RSPO2: variants seen among roughly 807,000 people sequenced by gnomAD.
RSPO2 encodes R-spondin-2.
Under a neutral mutation model 30.9 loss-of-function variants are expected in RSPO2, and 14 were observed. The ratio of observed to expected loss-of-function variants is 0.45; its 90% CI spans 0.30 to 0.71. The LOEUF (loss-of-function observed/expected upper bound fraction) is 0.71, where lower values mean the gene tolerates loss of function less well. RSPO2 is among the 30% of genes least tolerant of loss of function. RSPO2 has a pLI of 0.08. For synonymous variants in RSPO2, 107 were observed against 96.4 expected, an observed-to-expected ratio of 1.11 and a Z score of -0.64; for missense variants, 264 against 301.9, an observed-to-expected ratio of 0.87 and a Z score of 0.93.
chr8:108,032,762 C>G (rs1811462475), intron 2 of RSPO2, among the ~76,000 whole-genome samples: 1 of 152,012 alleles, frequency 6.6e-6, no homozygotes, highest in Non-Finnish European at 1.5e-5. Context: ...TCCTGAGTAG[C>G]TACGTCTACA....
chr8:107,991,249 AACACAC>A lies in RSPO2; in HGVS notation c.95-2011_95-2006del, dbSNP rs60247229. Among the ~76,000 whole-genome samples, 505 of 133,452 alleles carry A rather than the reference AACACAC, an allele frequency of 3.8e-3. 1 individual carries two copies. Among genetic ancestry groups the A allele is most frequent in the South Asian group, 8.9e-3 (35 of 3,926 alleles). 87.5% of individuals were successfully genotyped at this position (133,452 alleles called of 152,430 possible). ...GCAACAGGAGTGAAACTCCATCTCA[AACACAC>A]ACACACACACACACACACACACACA... On this transcript the variant is annotated intron_variant, in intron 2 of 5. Transcript: ENST00000276659.
At chr8:107,988,438 T>A (rs558686499) in intron 3 of RSPO2, among the ~76,000 whole-genome samples, 2 of 152,012 alleles carry the variant, frequency 1.3e-5, no homozygotes, top group South Asian at 2.1e-4. Flanking sequence ...TTTTTTTTTT[T>A]TATAAGCACT....
chr8:108,058,517 C>G (rs1265215028), intron 2 of RSPO2, among the ~76,000 whole-genome samples: 5 of 152,054 alleles, frequency 3.3e-5, no homozygotes, highest in Admixed American at 2.0e-4. Context: ...CATATGGAAC[C>G]AAAAAAGAGC....
intron 5 of RSPO2, among the ~76,000 whole-genome samples, chr8:107,919,399 C>T (rs188611033): frequency 2.6e-5 from 4 of 152,204 alleles, no homozygotes; most frequent in South Asian, 2.1e-4. Context: ...AAAACAAAGA[C>T]GATAATAGCC....
At chr8:108,060,770 AG>A (rs201052818) in intron 2 of RSPO2, among the ~76,000 whole-genome samples, 7,898 of 151,808 alleles carry the variant, frequency 0.052, 806 homozygotes, top group African/African-American at 0.17. Context: ...AAAAATGTTA[AG>A]GGCAGCCAGA....
intron 5 of RSPO2, among the ~76,000 whole-genome samples, chr8:107,955,868 G>C (rs897454966): frequency 6.6e-6 from 1 of 152,146 alleles, no homozygotes; most frequent in African/African-American, 2.4e-5. Flanking sequence ...CCATACATAT[G>C]TTGCAAAGAT....
chr8:108,014,488 T>TA (rs1810812152), intron 2 of RSPO2, among the ~76,000 whole-genome samples: 2 of 152,250 alleles, frequency 1.3e-5, no homozygotes, highest in South Asian at 4.2e-4. Flanking sequence ...ATGTGGCACA[T>TA]ACACACCATG....
At chr8:108,064,009 C>A (rs200926613) in intron 2 of RSPO2, among the ~76,000 whole-genome samples, 4 of 151,994 alleles carry the variant, frequency 2.6e-5, no homozygotes, top group South Asian at 2.1e-4. Context: ...CCTTCCTTAC[C>A]CCTTATACAA....
intron 5 of RSPO2, among the ~76,000 whole-genome samples, chr8:107,909,659 C>T (rs1390647824): frequency 1.3e-5 from 2 of 152,062 alleles, no homozygotes; most frequent in Non-Finnish European, 2.9e-5. Flanking sequence ...TGACTGAGTT[C>T]CACAAAAAAA....
At chr8:108,066,039 C>CA (rs1322393220) in intron 2 of RSPO2, among the ~76,000 whole-genome samples, 13 of 150,008 alleles carry the variant, frequency 8.7e-5, no homozygotes, top group East Asian at 1.9e-4. Flanking sequence ...AACTCCATCT[C>CA]AAAAAAAAGA....
intron 2 of RSPO2, among the ~76,000 whole-genome samples, chr8:108,039,566 A>T (rs1811692926): frequency 2.0e-5 from 3 of 152,170 alleles, no homozygotes. Flanking sequence ...ATATGAATTT[A>T]AAAAAGGAAA....
At chr8:108,010,957 T>C (rs1248764317) in intron 2 of RSPO2, among the ~76,000 whole-genome samples, 1 of 151,880 alleles carries the variant, frequency 6.6e-6, no homozygotes, top group African/African-American at 2.4e-5. Flanking sequence ...AGTGTGACCT[T>C]GTCTCCACAT....
chr8:108,048,801 T>C (rs1811985604), intron 2 of RSPO2, among the ~76,000 whole-genome samples: 1 of 152,184 alleles, frequency 6.6e-6, no homozygotes, highest in Non-Finnish European at 1.5e-5. Context: ...CTCTTGTGGG[T>C]ATTTAGTGCT....
At position 108,021,609 on chromosome 8, in the gene RSPO2, A is replaced by C. The variant is rs183892876; in HGVS notation, c.95-32365T>G. ...AGTGTGCTAGGGAGAAAAAGGGGGCATATCTTCCACCTAAAAGGTGAGGAC... is the reference window on the plus strand; with the variant it reads ...AGTGTGCTAGGGAGAAAAAGGGGGCCTATCTTCCACCTAAAAGGTGAGGAC... On this transcript the variant is annotated intron_variant, in intron 2 of 5. Transcript: ENST00000276659. 3.4e-3 allele frequency among the ~76,000 whole-genome samples: 525 copies of C among 152,254 alleles called. 2 individuals carry two copies. The highest frequency in any genetic ancestry group is 0.012 in the African/African-American group (505 of 41,546).
chr8:107,941,087 C>G (rs950434807), intron 5 of RSPO2, among the ~76,000 whole-genome samples: 1 of 151,870 alleles, frequency 6.6e-6, no homozygotes, highest in African/African-American at 2.4e-5. Context: ...ACACATCTTA[C>G]CCCCCAAAAA....
At chr8:107,916,979 T>C (rs558617755) in intron 5 of RSPO2, among the ~76,000 whole-genome samples, 3 of 152,312 alleles carry the variant, frequency 2.0e-5, no homozygotes, top group East Asian at 3.9e-4. Context: ...GATGCACTAA[T>C]GCAAAAATGC....
chr8:107,993,440 T>C (rs567995866), intron 2 of RSPO2, among the ~76,000 whole-genome samples: 1 of 152,300 alleles, frequency 6.6e-6, no homozygotes, highest in East Asian at 1.9e-4. Context: ...ACATACATTA[T>C]GCTGGTCAAA....
At chr8:107,955,839 G>T (rs1813415964) in intron 5 of RSPO2, among the ~76,000 whole-genome samples, 1 of 152,146 alleles carries the variant, frequency 6.6e-6, no homozygotes, top group South Asian at 2.1e-4. Context: ...GTTAAGATTG[G>T]CTTCAACAGG....
chr8:108,044,342 T>G (rs1336004193), intron 2 of RSPO2, among the ~76,000 whole-genome samples: 1 of 152,066 alleles, frequency 6.6e-6, no homozygotes, highest in African/African-American at 2.4e-5. Flanking sequence ...ATCACACAGG[T>G]AGTGAGCATA....
Sources: allele counts gnomAD v4.1 joint callset (sites outside exome capture counted in the v4.1 genomes callset), GRCh38; gene constraint gnomAD v4.1.1; transcripts MANE v1.5; gene names NCBI Gene and HGNC (gene_info 2026-07-23, HGNC 2026-07-21).